Variants in NRCAM observed in about 807,000 individuals in gnomAD.
NRCAM encodes NgCAM-related cell adhesion molecule.
A neutral mutation model predicts 156.5 loss-of-function variants in NRCAM; 83 were observed. The observed-to-expected ratio is 0.53, with a 90% CI of 0.44 to 0.64. The LOEUF (loss-of-function observed/expected upper bound fraction) is 0.64. NRCAM is among the 30% of genes least tolerant of loss of function. NRCAM has a pLI of 0.00. For missense variants in NRCAM, 1,417 were observed against 1,597.3 expected (o/e 0.89, Z 1.92); for synonymous variants, 538 against 563.9 (o/e 0.95, Z 0.65).
intron 32 of NRCAM, among the ~76,000 whole-genome samples, chr7:108,156,075 A>G (rs142337585): frequency 1.3e-5 from 2 of 152,180 alleles, no homozygotes; most frequent in East Asian, 3.9e-4. Context: ...AACATTCATG[A>G]CCCAAATACT....
intron 28 of NRCAM, among the ~76,000 whole-genome samples, chr7:108,173,867 G>C (rs940869387): frequency 6.6e-6 from 1 of 152,132 alleles, no homozygotes; most frequent in Non-Finnish European, 1.5e-5. Flanking sequence ...TAAAAACAGA[G>C]GGGTGATGTT....
intron 1 of NRCAM, among the ~76,000 whole-genome samples, chr7:108,401,534 C>T (rs2099792776): frequency 6.6e-6 from 1 of 152,176 alleles, no homozygotes; most frequent in African/African-American, 2.4e-5. Context: ...GAGGAAGATC[C>T]TGTCTCAAAA....
intron 1 of NRCAM, among the ~76,000 whole-genome samples, chr7:108,415,930 G>A (rs537055298): frequency 2.0e-5 from 3 of 152,322 alleles, no homozygotes; most frequent in South Asian, 2.1e-4. Flanking sequence ...AGAGGGCTCC[G>A]TGGTTTCCAC....
intron 2 of NRCAM, among the ~76,000 whole-genome samples, chr7:108,396,402 G>A (rs537015376): frequency 6.6e-6 from 1 of 152,236 alleles, no homozygotes; most frequent in Admixed American, 6.5e-5. Flanking sequence ...CCTACAACTC[G>A]CGTGTATGTG....
In NRCAM at chr7:108,362,490, C is replaced by A. The variant is rs1207887009; in HGVS notation, c.-174+36946G>T. On this transcript the variant is annotated intron_variant, in intron 2 of 32. Coordinates refer to ENST00000379028, the MANE Select transcript of NRCAM (RefSeq NM_001037132.4). ...AGATAAAAATGAATGAGCTATCAAG[C>A]CTTCAAAAGACAAGGATGAATCTTA... Among the ~76,000 whole-genome samples the A allele has an allele frequency of 2.0e-5, 3 of 152,126 alleles. No homozygotes were observed. In the East Asian group the frequency reaches 5.8e-4, roughly 29 times the overall value.
At chr7:108,244,680 A>C (rs115395339) in intron 3 of NRCAM, among the ~76,000 whole-genome samples, 1 of 152,204 alleles carries the variant, frequency 6.6e-6, no homozygotes, top group Admixed American at 6.5e-5. Context: ...TGATCAAACA[A>C]GACAAACTGT....
Position 108,176,495 on chromosome 7 carries a change from T to C in NRCAM, c.3086A>G (p.Tyr1029Cys), listed in dbSNP as rs368995106. 35 of 1,613,642 alleles carry C rather than the reference T, an allele frequency of 2.2e-5. No homozygotes were observed. In the African/African-American group the frequency reaches 4.1e-4, roughly 19 times the overall value. Reference protein sequence around the residue: ...NFSTRYKFYFYAQTSAGSGSQ... With the variant: ...NFSTRYKFYFCAQTSAGSGSQ... Reference sequence around the variant, plus strand: ...TCCTGATCCTGCTGATGTTTGTGCATAGAAATAAAACTTATATCGAGTGCT... The same window carrying C: ...TCCTGATCCTGCTGATGTTTGTGCACAGAAATAAAACTTATATCGAGTGCT... Residue 1029 changes from tyrosine (Y) to cysteine (C), a missense_variant, in exon 27 of 33, where the codon TAT becomes TGT. Physicochemically the swap from Tyr to Cys is radical, Grantham distance 194. This residue lies in a region of NRCAM where 1,238 missense variants were observed against 1,336.4 expected (regional missense o/e 0.93). Transcript: ENST00000379028.
At chr7:108,273,842 C>CAATA (rs1188599782) in intron 3 of NRCAM, among the ~76,000 whole-genome samples, 1 of 152,100 alleles carries the variant, frequency 6.6e-6, no homozygotes, top group African/African-American at 2.4e-5. Context: ...AATGGTATTG[C>CAATA]CTAGGTTTTC....
At chr7:108,392,797 C>T (rs1042569256) in intron 2 of NRCAM, among the ~76,000 whole-genome samples, 4 of 152,188 alleles carry the variant, frequency 2.6e-5, no homozygotes, top group African/African-American at 2.4e-5. Flanking sequence ...AGTCAGGACC[C>T]TCGGCTGCAG....
At chr7:108,185,572 A>T (rs1192062786) in intron 20 of NRCAM, among the ~76,000 whole-genome samples, 1 of 151,976 alleles carries the variant, frequency 6.6e-6, no homozygotes, top group Non-Finnish European at 1.5e-5. Flanking sequence ...ACAGAAAGTT[A>T]ACTGGGTGTG....
At chr7:108,415,048 GA>G (rs753087639) in intron 1 of NRCAM, among the ~76,000 whole-genome samples, 12 of 151,616 alleles carry the variant, frequency 7.9e-5, no homozygotes, top group Non-Finnish European at 1.6e-4. Flanking sequence ...AGATGAAAAA[GA>G]AAAAAAATAC....
intron 2 of NRCAM, among the ~76,000 whole-genome samples, chr7:108,365,424 T>C (rs980452756): frequency 3.0e-4 from 45 of 152,226 alleles, no homozygotes; most frequent in Admixed American, 2.9e-3. Flanking sequence ...GTAATAGTTG[T>C]ATATTTTCAT....
At chr7:108,357,334 C>T (rs1448596950) in intron 2 of NRCAM, among the ~76,000 whole-genome samples, 1 of 141,618 alleles carries the variant, frequency 7.1e-6, no homozygotes, top group Non-Finnish European at 1.5e-5. Flanking sequence ...GTGGGGCCAA[C>T]TTTTTTTTTT....
intron 3 of NRCAM, among the ~76,000 whole-genome samples, chr7:108,250,759 T>C (rs539353191): frequency 1.2e-4 from 18 of 152,248 alleles, no homozygotes; most frequent in Admixed American, 1.1e-3. Context: ...AAGAGTATAA[T>C]TGGATTGTCT....
chr7:108,183,836 G>A (rs997717736), intron 22 of NRCAM, among the ~76,000 whole-genome samples: 4 of 152,116 alleles, frequency 2.6e-5, no homozygotes, highest in Non-Finnish European at 5.9e-5. Flanking sequence ...GCCCCAGGTG[G>A]TTCTTTATGA....
chr7:108,291,274 C>T (rs754765655), intron 3 of NRCAM, among the ~76,000 whole-genome samples: 6 of 152,170 alleles, frequency 3.9e-5, no homozygotes, highest in South Asian at 4.1e-4. Flanking sequence ...CTTAATTGGA[C>T]TCCCTTCTGA....
At chr7:108,262,944 A>G (rs1004831899) in intron 3 of NRCAM, among the ~76,000 whole-genome samples, 2 of 152,192 alleles carry the variant, frequency 1.3e-5, no homozygotes, top group African/African-American at 4.8e-5. Context: ...CCTTCACTCT[A>G]GGCAGAAGTG....
chr7:108,226,736 A>G (rs1589110893), intron 8 of NRCAM, among the ~76,000 whole-genome samples: 1 of 152,216 alleles, frequency 6.6e-6, no homozygotes, highest in Non-Finnish European at 1.5e-5. Flanking sequence ...ACATACACAT[A>G]TATCTTAGAA....
At chr7:108,376,299 C>T (rs1209544922) in intron 2 of NRCAM, among the ~76,000 whole-genome samples, 2 of 152,190 alleles carry the variant, frequency 1.3e-5, no homozygotes, top group African/African-American at 4.8e-5. Context: ...TCCTGACCAG[C>T]TGGCTCCTGC....
Sources: allele counts gnomAD v4.1 joint callset (sites outside exome capture counted in the v4.1 genomes callset), GRCh38; gene constraint gnomAD v4.1.1; regional missense constraint gnomAD v4.1.1; transcripts MANE v1.5; gene names NCBI Gene and HGNC (gene_info 2026-07-23, HGNC 2026-07-21).